ITIH5: variants seen among roughly 807,000 people sequenced by gnomAD.
ITIH5 encodes the protein inter-alpha-trypsin inhibitor heavy chain H5.
ITIH5 carries 65 observed loss-of-function variants against 77.5 expected under a neutral mutation model. The ratio of observed to expected loss-of-function variants is 0.84; its 90% CI spans 0.69 to 1.03. The LOEUF (loss-of-function observed/expected upper bound fraction) is 1.03, where lower values mean the gene tolerates loss of function less well. Among genes scored for constraint, ITIH5 ranks in the 50% least tolerant of loss-of-function variants. ITIH5 has a pLI of 0.00. For synonymous variants in ITIH5, 525 were observed against 494.3 expected (o/e 1.06, Z -0.82); for missense variants, 1,208 against 1,213.1 (o/e 1.00, Z 0.06).
chr10:7,600,945 A>G (rs1833002547), intron 7 of ITIH5, among the ~76,000 whole-genome samples: 3 of 152,198 alleles, frequency 2.0e-5, no homozygotes, highest in African/African-American at 7.2e-5. Context: ...CAACCTCTAG[A>G]ACTGTGAGAA....
chr10:7,639,802 G>T (rs371291405), intron 4 of ITIH5, among the ~76,000 whole-genome samples: 35 of 151,998 alleles, frequency 2.3e-4, no homozygotes, highest in Admixed American at 2.1e-3. Flanking sequence ...ATAAACAAAA[G>T]AAAGAATAAA....
chr10:7,595,708 A>T (rs368857642), intron 7 of ITIH5, among the ~76,000 whole-genome samples: 4 of 152,182 alleles, frequency 2.6e-5, no homozygotes, highest in Admixed American at 2.0e-4. Flanking sequence ...AAGGCAGGAC[A>T]TAAATATAAG....
In ITIH5 at chr10:7,579,762, G is replaced by A. The variant is rs943461234; in HGVS notation, c.1411C>T (p.Leu471Phe). The change falls in exon 9 of 14, where the codon CTC (leucine) becomes TTC (phenylalanine). Residue 471 changes from leucine to phenylalanine, a missense_variant. By Grantham distance (22) the Leu-to-Phe change is conservative (BLOSUM62 0). Transcript: ENST00000397146. ...VHEEEDAGSQ[L>F]IGFYDEIRTP... ...CGAAGACAGACCACAGACCCGATGAGCTGCGAGCCTGCGTCCTCCTCCTCG... is the reference window on the plus strand; with the variant it reads ...CGAAGACAGACCACAGACCCGATGAACTGCGAGCCTGCGTCCTCCTCCTCG... 6.2e-7 allele frequency: 1 copy of A among 1,612,886 alleles called. No individual in the cohort carries two copies. The highest frequency in any genetic ancestry group is 1.1e-5 in the South Asian group (1 of 91,080).
At chr10:7,664,436 C>T (rs952863257) in intron 1 of ITIH5, among the ~76,000 whole-genome samples, 29 of 151,578 alleles carry the variant, frequency 1.9e-4, no homozygotes, top group African/African-American at 7.0e-4. Context: ...TTCCATGGAC[C>T]ACCTGCATCA....
rs554125278 is a variant in ITIH5, at chr10:7,612,033, T to C, written c.939+3949A>G. Among the ~76,000 whole-genome samples, 12 of 152,230 alleles carry C rather than the reference T, an allele frequency of 7.9e-5. No homozygotes were observed. The East Asian group carries it at 1.7e-3, about 22-fold the overall frequency. ...AAATGTTATAAATTGGCACAGACTT[T>C]TTAGAAAATGTTTTTGGAATGTGTA... On this transcript the variant is annotated intron_variant, in intron 7 of 13. Transcript: ENST00000397146.
intron 7 of ITIH5, among the ~76,000 whole-genome samples, chr10:7,596,011 T>TA (rs1832888003): frequency 6.6e-6 from 1 of 152,110 alleles, no homozygotes; most frequent in African/African-American, 2.4e-5. Flanking sequence ...CCGTCTAAAT[T>TA]AATAAATAAA....
At chr10:7,632,222 G>T (rs1484108395) in intron 5 of ITIH5, among the ~76,000 whole-genome samples, 5 of 152,186 alleles carry the variant, frequency 3.3e-5, no homozygotes, top group African/African-American at 9.7e-5. Context: ...TGAATTAGCT[G>T]CAGTGCTTTT....
chr10:7,580,026 G>A lies in ITIH5; in HGVS notation c.1147C>T (p.Leu383Phe). 1.2e-6 allele frequency: 2 copies of A among 1,612,140 alleles called. No individual in the cohort carries two copies. The highest frequency in any genetic ancestry group is 1.7e-6 in the Non-Finnish European group (2 of 1,179,504). ...INGALQRAIR[L>F]LNKYVAHSGI... is the part of the protein sequence containing the mutation. Reference sequence around the variant, plus strand: ...CTGTGGGCCACGTACTTGTTGAGGAGCCTGATGGCCCTCTGCAGGGCCCCG... The same window carrying A: ...CTGTGGGCCACGTACTTGTTGAGGAACCTGATGGCCCTCTGCAGGGCCCCG... Residue 383 changes from leucine to phenylalanine, a missense_variant, in exon 9 of 14, where the codon CTC becomes TTC. Leu to Phe is a conservative substitution (Grantham distance 22). Transcript: ENST00000397146.
chr10:7,566,159 T>C lies in ITIH5; in HGVS notation c.2398A>G (p.Ile800Val), dbSNP rs576141876. Residue 800 changes from isoleucine (I) to valine (V), a missense_variant, in exon 13 of 14, where the codon ATC becomes GTC. Coordinates refer to ENST00000397146, the MANE Select transcript of ITIH5 (RefSeq NM_030569.7). ...ATGACAAAGGCTATGGAGCCCTGGA[T>C]GGTGACGGTGACATTGGCGTTGGCA... ...VSANANVTVT[I>V]QGSIAFVILI... 8 of 1,614,088 alleles carry C rather than the reference T, an allele frequency of 5.0e-6. No homozygotes were observed. The East Asian group carries it at 1.1e-4, about 22-fold the overall frequency.
intron 2 of ITIH5, among the ~76,000 whole-genome samples, chr10:7,644,252 T>G (rs1044073314): frequency 6.7e-6 from 1 of 149,942 alleles, no homozygotes; most frequent in Non-Finnish European, 1.5e-5. Context: ...AAAAAATATA[T>G]ATATATATGT....
intron 4 of ITIH5, 30 bp downstream of exon 4, chr10:7,640,723 GT>G: frequency 6.7e-7 from 1 of 1,482,136 alleles, no homozygotes; most frequent in Non-Finnish European, 9.4e-7. Flanking sequence ...GCTAAAATGG[GT>G]TTTTAATTCC....
At chr10:7,603,786 T>G (rs991315059) in intron 7 of ITIH5, among the ~76,000 whole-genome samples, 8 of 152,122 alleles carry the variant, frequency 5.3e-5, no homozygotes, top group Non-Finnish European at 1.0e-4. Context: ...GGTTTCACTG[T>G]GTTAGCCAGG....
intron 5 of ITIH5, chr10:7,620,191 C>CAAA (rs201289245): frequency 2.1e-5 from 3 of 142,096 alleles, no homozygotes; most frequent in Non-Finnish European, 3.1e-5. Flanking sequence ...CCTACCCCCG[C>CAAA]AAAAAAAAAA....
chr10:7,654,956 CA>C (rs200434708), intron 2 of ITIH5, among the ~76,000 whole-genome samples: 6,709 of 126,050 alleles, frequency 0.053, 218 homozygotes, highest in South Asian at 0.13. Flanking sequence ...GAAAACCAAG[CA>C]AAAAAAAAAT....
At position 7,579,852 on chromosome 10, in the gene ITIH5, C is replaced by G. The variant is rs1449694591; in HGVS notation, c.1321G>C (p.Asp441His). ...TTCTCCAGCAGCCTGAAGTCCACGT[C>G]GTTGCCGATGCCAATGGTGAAGATG... ...VCIFTIGIGN[D>H]VDFRLLEKLS... The change falls in exon 9 of 14, where the codon GAC (aspartate) becomes CAC (histidine). Residue 441 changes from aspartate to histidine, a missense_variant. Transcript: ENST00000397146. The G allele has an allele frequency of 2.5e-6, 4 of 1,614,204 alleles. No homozygotes were observed. The highest frequency in any genetic ancestry group is 3.4e-6 in the Non-Finnish European group (4 of 1,180,044).
chr10:7,588,449 C>T (rs1295211048), intron 7 of ITIH5, among the ~76,000 whole-genome samples: 4 of 152,154 alleles, frequency 2.6e-5, no homozygotes, highest in Admixed American at 1.3e-4. Flanking sequence ...ACCTGGGAGG[C>T]GGAGATTGCA....
In ITIH5 at chr10:7,559,866, T is replaced by C. The variant is rs568880787; in HGVS notation, c.*3217A>G. 1 of 452,924 alleles carries C rather than the reference T, an allele frequency of 2.2e-6. No individual in the cohort carries two copies. The highest frequency in any genetic ancestry group is 1.6e-5 in the South Asian group (1 of 63,954). The allele number at this position is 452,924 out of a possible 1,614,324, so 28.1% of individuals were successfully genotyped here. On this transcript the variant is annotated 3_prime_UTR_variant, in exon 14 of 14. Coordinates refer to ENST00000397146, the MANE Select transcript of ITIH5 (RefSeq NM_030569.7). ...GTCTTTTTTTTGTTTTGTTTTGTTT[T>C]TTTTTGACGGAGTTTGGCTCTGTCA...
In ITIH5 at chr10:7,563,216, T is replaced by A. The variant is rs181306299; in HGVS notation, c.2696A>T (p.Glu899Val). Residue 899 changes from glutamate to valine, a missense_variant, in exon 14 of 14, where the codon GAA becomes GTA. Coordinates refer to ENST00000397146, the MANE Select transcript of ITIH5 (RefSeq NM_030569.7). ...GGCAAACCAGCAGTCTATCTGCTCT[T>A]CCCCGTTGTAAATCTTCCTTTGCTT... ...VWKQRKIYNG[E>V]EQIDCWFARN... 1.4e-5 allele frequency: 23 copies of A among 1,614,238 alleles called. 1 individual carries two copies. In the Admixed American group the frequency reaches 3.5e-4, roughly 25 times the overall value.
intron 5 of ITIH5, among the ~76,000 whole-genome samples, chr10:7,635,127 C>A (rs1312391832): frequency 1.3e-5 from 2 of 152,104 alleles, no homozygotes; most frequent in African/African-American, 4.8e-5. Flanking sequence ...CAATTAGCTA[C>A]CTACTGTTTA....
Sources: gnomAD v4.1 joint callset for allele counts (sites outside exome capture counted in the v4.1 genomes callset) on GRCh38, gnomAD v4.1.1 for gene constraint, MANE v1.5 for transcripts, NCBI Gene and HGNC (gene_info 2026-07-23, HGNC 2026-07-21) for gene names.